The following RBM45 variants were observed in gnomAD, a reference collection of about 807,000 sequenced individuals.
The protein encoded by RBM45 is RNA binding motif protein 45, also known as RNA-binding protein 45.
Under a neutral mutation model 58.5 loss-of-function variants are expected in RBM45, and 39 were observed. That is an observed-to-expected ratio of 0.67 (90% confidence interval 0.52 to 0.87). The LOEUF (loss-of-function observed/expected upper bound fraction) is 0.87, where lower values mean the gene tolerates loss of function less well. Ranked by LOEUF, RBM45 falls within the 40% of genes least tolerant of loss-of-function variation. The probability of loss-of-function intolerance (pLI) is 0.00; values close to 1 mark genes in which losing one functional copy is unlikely to be tolerated. For missense variants in RBM45, 481 were observed against 581.6 expected (o/e 0.83, Z 1.78); for synonymous variants, 193 against 203.0 (o/e 0.95, Z 0.42).
chr2:178,123,873 A>C lies in RBM45; in HGVS notation c.1029A>C (p.Ala343=). The change falls in exon 7 of 10, where the codon GCA becomes GCC. Residue 343 remains alanine (A), a synonymous_variant. Coordinates refer to ENST00000286070, the MANE Select transcript of RBM45 (RefSeq NM_152945.4). ...CACAGATGGTAGCTGCACAGCTTGC[A>C]TCAATGGTGTGGAATAACCCAAGTC... ...MATQMVAAQL[A]SMVWNNPSQQ... is the part of the protein sequence containing the mutation. The C allele has an allele frequency of 1.9e-6, 3 of 1,614,118 alleles. No homozygotes were observed. The highest frequency in any genetic ancestry group is 2.2e-5 in the East Asian group (1 of 44,872).
intron 9 of RBM45, among the ~76,000 whole-genome samples, chr2:178,126,406 T>C (rs1326375579): frequency 6.6e-6 from 1 of 152,200 alleles, no homozygotes; most frequent in African/African-American, 2.4e-5. Context: ...TAAATAATTG[T>C]TTTTTGTTTG....
chr2:178,125,539 G>A (rs766021279), intron 8 of RBM45, among the ~76,000 whole-genome samples: 41 of 152,128 alleles, frequency 2.7e-4, no homozygotes, highest in Non-Finnish European at 5.0e-4. Context: ...TGTTAAATAG[G>A]GAATTTGAGA....
downstream of RBM45, among the ~76,000 whole-genome samples, chr2:178,129,823 A>G (rs746517309): frequency 1.3e-5 from 2 of 152,240 alleles, no homozygotes; most frequent in Non-Finnish European, 2.9e-5. Context: ...AGTGTAATCG[A>G]CAACCTTATT....
At chr2:178,130,096 A>C (rs1270206653), downstream of RBM45, among the ~76,000 whole-genome samples, 1 of 152,238 alleles carries the variant, frequency 6.6e-6, no homozygotes, top group Non-Finnish European at 1.5e-5. Flanking sequence ...AAATTTAAAT[A>C]AATGTCAGTG....
chr2:178,112,566 C>G lies in RBM45; in HGVS notation c.20C>G (p.Ser7Cys). Residue 7 changes from serine to cysteine, a missense_variant, in exon 1 of 10, where the codon TCT becomes TGT. Physicochemically the swap from Ser to Cys is moderately radical, Grantham distance 112. Transcript: ENST00000286070. MDEAGS[S>C]ASGGGFRPGV... ...AGCACCATGGACGAAGCTGGCAGCT[C>G]TGCGAGCGGCGGGGGCTTCCGCCCG... 6.2e-7 allele frequency: 1 copy of G among 1,613,390 alleles called. No individual in the cohort carries two copies. Among genetic ancestry groups the G allele is most frequent in the Non-Finnish European group, 8.5e-7 (1 of 1,179,844 alleles).
At position 178,116,387 on chromosome 2, in the gene RBM45, A is replaced by T; in HGVS notation, c.423+3A>T. On this transcript the variant is annotated splice_donor_region_variant and intron_variant, in intron 2 of 9. Coordinates refer to ENST00000286070, the MANE Select transcript of RBM45 (RefSeq NM_152945.4). ...AAGATCTGCGGGAAAAATTTAAGGT[A>T]TTTATTCTAATCAGCTAGCATATGT... The T allele has an allele frequency of 6.2e-7, 1 of 1,601,690 alleles. No individual in the cohort carries two copies. Among genetic ancestry groups the T allele is most frequent in the South Asian group, 1.1e-5 (1 of 88,890 alleles).
intron 9 of RBM45, among the ~76,000 whole-genome samples, chr2:178,126,417 T>G (rs1006551854): frequency 6.6e-6 from 1 of 152,226 alleles, no homozygotes; most frequent in Non-Finnish European, 1.5e-5. Context: ...TTTTTGTTTG[T>G]GAAATCTTCG....
At chr2:178,121,096 C>T (rs939000687) in intron 4 of RBM45, 84 bp from the exon 5 acceptor site, 1 of 674,392 alleles carries the variant, frequency 1.5e-6, no homozygotes, top group African/African-American at 1.8e-5. Flanking sequence ...GTACAATGGA[C>T]TCTGTTTTCT....
chr2:178,116,969 T>C (rs2105899919), intron 2 of RBM45, among the ~76,000 whole-genome samples: 1 of 152,302 alleles, frequency 6.6e-6, no homozygotes, highest in East Asian at 1.9e-4. Flanking sequence ...AAAACGTAAA[T>C]ATAGCTCTGA....
intron 2 of RBM45, among the ~76,000 whole-genome samples, chr2:178,117,339 A>T (rs1226593637): frequency 6.6e-6 from 1 of 152,148 alleles, no homozygotes; most frequent in Non-Finnish European, 1.5e-5. Context: ...ATAACACTTT[A>T]ATGTATAGTA....
chr2:178,116,436 T>A (rs2087778668), intron 2 of RBM45, 52 bp downstream of exon 2: 1 of 1,472,788 alleles, frequency 6.8e-7, no homozygotes, highest in Non-Finnish European at 9.1e-7. Context: ...CCTGCATAGG[T>A]TGTATGGGTA....
intron 3 of RBM45, among the ~76,000 whole-genome samples, chr2:178,134,889 G>A (rs1276429689): frequency 1.4e-5 from 2 of 139,244 alleles, no homozygotes; most frequent in Non-Finnish European, 3.2e-5. Flanking sequence ...TAAGGAGGCT[G>A]AGGCGAGATA....
chr2:178,136,796 T>A (rs1235098033), exon 4 of RBM45: 2 of 152,132 alleles, frequency 1.3e-5, no homozygotes, highest in Non-Finnish European at 2.9e-5. Flanking sequence ...ATGAAATGAG[T>A]CTAACACCTT....
chr2:178,130,640 G>C (rs1402897011), downstream of RBM45, among the ~76,000 whole-genome samples: 1 of 152,126 alleles, frequency 6.6e-6, no homozygotes, highest in African/African-American at 2.4e-5. Context: ...TATAAAAAAG[G>C]TATATCTAAA....
rs764823633 is a variant in RBM45, at chr2:178,120,418, G to T, written c.673+9G>T. The T allele has an allele frequency of 1.2e-6, 2 of 1,605,720 alleles. No homozygotes were observed. Among genetic ancestry groups the T allele is most frequent in the African/African-American group, 2.7e-5 (2 of 74,268 alleles). ...AAATATGTTTCCATTTGGTAAGTAG[G>T]CAACCTTTACTTTTAATAGTATAAT... On this transcript the variant is annotated intron_variant, in intron 4 of 9. Transcript: ENST00000286070.
At chr2:178,126,402 A>G (rs2087929875) in intron 9 of RBM45, among the ~76,000 whole-genome samples, 2 of 152,186 alleles carry the variant, frequency 1.3e-5, no homozygotes, top group Non-Finnish European at 2.9e-5. Flanking sequence ...AAGATAAATA[A>G]TTGTTTTTTG....
In RBM45 at chr2:178,126,131, A is replaced by G. The variant is rs751864326; in HGVS notation, c.1380A>G (p.Ala460=). The G allele has an allele frequency of 2.5e-6, 4 of 1,614,074 alleles. No homozygotes were observed. The highest frequency in any genetic ancestry group is 3.4e-6 in the Non-Finnish European group (4 of 1,179,958). Residue 460 remains alanine, a synonymous_variant, in exon 9 of 10, where the codon GCA becomes GCG. Transcript: ENST00000286070. ...GGGTGAGACTTAAAGTTATGCTGGC[A>G]GATTCGCCAAGAGAAGAATCTAACA... ...LNGVRLKVML[A]DSPREESNKR...
intron 1 of RBM45, among the ~76,000 whole-genome samples, chr2:178,115,948 T>G (rs2087768104): frequency 6.6e-6 from 1 of 151,778 alleles, no homozygotes; most frequent in Non-Finnish European, 1.5e-5. Context: ...AGCCCAGGAA[T>G]TCATGACCAT....
chr2:178,132,892 CTG>C (rs1225440012), downstream of RBM45, among the ~76,000 whole-genome samples: 1 of 152,128 alleles, frequency 6.6e-6, no homozygotes, highest in East Asian at 1.9e-4. Context: ...CCAGCCAAAA[CTG>C]TGGTTCTTTA....
Sources: allele counts gnomAD v4.1 joint callset (sites outside exome capture counted in the v4.1 genomes callset), GRCh38; gene constraint gnomAD v4.1.1; transcripts MANE v1.5; gene names NCBI Gene and HGNC (gene_info 2026-07-23, HGNC 2026-07-21).